Variants in RMI1 observed in about 807,000 individuals in gnomAD.
RMI1 encodes the protein recQ-mediated genome instability protein 1.
Under a neutral mutation model 46.7 loss-of-function variants are expected in RMI1, and 36 were observed. The observed-to-expected ratio is 0.77, with a 90% confidence interval of 0.59 to 1.02. The LOEUF is 1.02. Among genes scored for constraint, RMI1 ranks in the 50% least tolerant of loss-of-function variants. RMI1 has a pLI of 0.00. For missense variants in RMI1, 676 were observed against 713.7 expected, an observed-to-expected ratio of 0.95 and a Z score of 0.60; for synonymous variants, 250 against 252.9, an observed-to-expected ratio of 0.99 and a Z score of 0.11.
At chr9:83,996,877 C>T (rs1239284707) in intron 1 of RMI1, among the ~76,000 whole-genome samples, 4 of 151,674 alleles carry the variant, frequency 2.6e-5, no homozygotes, top group Non-Finnish European at 4.4e-5. Context: ...GAAGGTGCCA[C>T]ACACTTTTTT....
At chr9:83,985,154 A>C (rs1367791508) in intron 1 of RMI1, among the ~76,000 whole-genome samples, 1 of 152,226 alleles carries the variant, frequency 6.6e-6, no homozygotes, top group African/African-American at 2.4e-5. Flanking sequence ...TAAACTTTAT[A>C]ATATAGATCT....
intron 1 of RMI1, among the ~76,000 whole-genome samples, chr9:83,997,436 AAAAG>A (rs1447870802): frequency 1.3e-5 from 2 of 151,666 alleles, no homozygotes; most frequent in African/African-American, 2.4e-5. Flanking sequence ...TTGAAAAAAA[AAAAG>A]AAAGAAATTA....
rs952875380 is a variant in RMI1 at position 84,003,690 on chromosome 9, G to A, written c.*826G>A. The A allele has an allele frequency of 3.0e-5, 5 of 166,268 alleles. No homozygotes were observed. Among genetic ancestry groups the A allele is most frequent in the African/African-American group, 1.2e-4 (5 of 41,404 alleles). 10.3% of individuals were successfully genotyped at this position (166,268 alleles called of 1,614,324 possible). On this transcript the variant is annotated 3_prime_UTR_variant, in exon 3 of 3. Transcript: ENST00000445877. ...GATTATAATATTTGGTATATTTAAGGTAATCTAGTTAACTAGATGCTATTT... is the reference window on the plus strand; with the variant it reads ...GATTATAATATTTGGTATATTTAAGATAATCTAGTTAACTAGATGCTATTT...
intron 1 of RMI1, among the ~76,000 whole-genome samples, chr9:83,987,209 C>T (rs1473217859): frequency 1.3e-5 from 2 of 152,234 alleles, no homozygotes; most frequent in African/African-American, 2.4e-5. Flanking sequence ...ATTACAAGCA[C>T]GTGCCACCAC....
intron 1 of RMI1, among the ~76,000 whole-genome samples, chr9:83,991,310 T>C (rs1957570707): frequency 6.6e-6 from 1 of 151,924 alleles, no homozygotes; most frequent in Non-Finnish European, 1.5e-5. Context: ...ATTTTTCTTT[T>C]TTTTTTTTTA....
chr9:84,002,778 C>G lies in RMI1; in HGVS notation c.1792C>G (p.Pro598Ala). The G allele has an allele frequency of 1.9e-6, 3 of 1,612,492 alleles. No homozygotes were observed. Among genetic ancestry groups the G allele is most frequent in the Middle Eastern group, 1.7e-4 (1 of 6,028 alleles). Residue 598 changes from proline (P) to alanine (A), a missense_variant, in exon 3 of 3, where the codon CCT becomes GCT. Coordinates refer to ENST00000445877, the MANE Select transcript of RMI1 (RefSeq NM_001358291.2). ...LCCLMTISFN[P>A]SLSKAMVLAL... ...CTGTCTAATGACTATTTCATTTAAT[C>G]CTTCCTTGTCTAAAGCAATGGTACT...
chr9:83,989,592 C>T (rs1446994385), intron 1 of RMI1, among the ~76,000 whole-genome samples: 2 of 150,496 alleles, frequency 1.3e-5, no homozygotes, highest in African/African-American at 2.4e-5. Flanking sequence ...TATTCGACAT[C>T]GTGAATCAGG....
chr9:83,997,107 C>CTTTTTTTT (rs375763717), intron 1 of RMI1, among the ~76,000 whole-genome samples: 2 of 92,376 alleles, frequency 2.2e-5, no homozygotes, highest in Non-Finnish European at 2.1e-5. Flanking sequence ...AACACCCCCC[C>CTTTTTTTT]CTTTTTTTTT....
Position 84,001,100 on chromosome 9 carries a change from T to C in RMI1, c.114T>C (p.Asn38=). The C allele has an allele frequency of 6.2e-7, 1 of 1,613,964 alleles. No homozygotes were observed. ...EACINWIQEE[N]NNVNLSQAQM... ...GTATTAACTGGATTCAAGAAGAAAA[T>C]AATAATGTTAACTTGAGTCAGGCCC... Residue 38 remains asparagine (N), a synonymous_variant, in exon 3 of 3, where the codon AAT becomes AAC. Transcript: ENST00000445877.
rs1405834661 is a variant in RMI1, at chr9:84,002,110, A to G, written c.1124A>G (p.Glu375Gly). Residue 375 changes from glutamate to glycine, a missense_variant, in exon 3 of 3, where the codon GAA becomes GGA. Coordinates refer to ENST00000445877, the MANE Select transcript of RMI1 (RefSeq NM_001358291.2). ...TCKNGNNNWS[E>G]KNVSEQMTNE... ...AAAAATGGAAACAATAATTGGAGTG[A>G]AAAAAATGTATCTGAACAAATGACT... The G allele has an allele frequency of 6.2e-7, 1 of 1,613,554 alleles. No homozygotes were observed. Among genetic ancestry groups the G allele is most frequent in the Admixed American group, 1.7e-5 (1 of 59,960 alleles).
chr9:83,985,058 GA>G (rs577001489), intron 1 of RMI1, among the ~76,000 whole-genome samples: 97 of 152,218 alleles, frequency 6.4e-4, no homozygotes, highest in African/African-American at 2.2e-3. Flanking sequence ...AAGAAGGGAT[GA>G]AAACCTTAGG....
Position 84,001,288 on chromosome 9 carries a change from C to A in RMI1, c.302C>A (p.Ser101Tyr). The A allele has an allele frequency of 6.2e-7, 1 of 1,614,060 alleles. No individual in the cohort carries two copies. The highest frequency in any genetic ancestry group is 1.1e-5 in the South Asian group (1 of 91,066). Residue 101 changes from serine (S) to tyrosine (Y), a missense_variant, in exon 3 of 3, where the codon TCC (serine) becomes TAC (tyrosine). By Grantham distance (144) the Ser-to-Tyr change is moderately radical. Coordinates refer to ENST00000445877, the MANE Select transcript of RMI1 (RefSeq NM_001358291.2). ...SLVDVSQPAY[S>Y]QIQKLRGKNT... Reference sequence around the variant, plus strand: ...GTTGATGTAAGTCAGCCTGCATACTCCCAGATACAGAAGTTGAGAGGAAAG... The same window carrying A: ...GTTGATGTAAGTCAGCCTGCATACTACCAGATACAGAAGTTGAGAGGAAAG...
chr9:83,990,139 G>C (rs1346767145), intron 1 of RMI1, among the ~76,000 whole-genome samples: 1 of 152,172 alleles, frequency 6.6e-6, no homozygotes, highest in Non-Finnish European at 1.5e-5. Flanking sequence ...TCTCGGGAAG[G>C]TAGAGAGTAG....
chr9:83,988,598 C>G (rs1375626421), intron 1 of RMI1, among the ~76,000 whole-genome samples: 1 of 152,230 alleles, frequency 6.6e-6, no homozygotes, highest in Non-Finnish European at 1.5e-5. Context: ...GCCACTGCAC[C>G]TTGCCCAACT....
chr9:83,982,083 G>A (rs1433414235), intron 1 of RMI1, among the ~76,000 whole-genome samples: 2 of 152,158 alleles, frequency 1.3e-5, no homozygotes, highest in Admixed American at 6.5e-5. Context: ...TCGCATTTCA[G>A]TTCTAAAACA....
At position 84,001,376 on chromosome 9, in the gene RMI1, G is replaced by A. The variant is rs764977692; in HGVS notation, c.390G>A (p.Lys130=). The part of the protein sequence containing the change: ...AQVTPKPWEA[K]PSRMLMLQLT... ...TAACCCCAAAACCTTGGGAAGCAAAGCCTTCACGAATGTTGATGCTGCAGC... is the reference window on the plus strand; with the variant it reads ...TAACCCCAAAACCTTGGGAAGCAAAACCTTCACGAATGTTGATGCTGCAGC... Residue 130 remains lysine (K), a synonymous_variant, in exon 3 of 3, where the codon AAG becomes AAA. Transcript: ENST00000445877. The A allele has an allele frequency of 6.2e-7, 1 of 1,614,106 alleles. No homozygotes were observed. Among genetic ancestry groups the A allele is most frequent in the Non-Finnish European group, 8.5e-7 (1 of 1,179,992 alleles).
chr9:83,991,693 A>T (rs946502725), intron 1 of RMI1, among the ~76,000 whole-genome samples: 1 of 152,036 alleles, frequency 6.6e-6, no homozygotes, highest in Admixed American at 6.6e-5. Flanking sequence ...TCTTATACAT[A>T]TTTTGTAGTT....
At chr9:83,988,563 C>CA (rs1220410017) in intron 1 of RMI1, among the ~76,000 whole-genome samples, 2 of 152,200 alleles carry the variant, frequency 1.3e-5, no homozygotes, top group African/African-American at 4.8e-5. Context: ...CTCAGCCTCT[C>CA]AAAGTGCTGG....
At chr9:83,984,234 G>A (rs1173147008) in intron 1 of RMI1, among the ~76,000 whole-genome samples, 2 of 150,882 alleles carry the variant, frequency 1.3e-5, no homozygotes, top group African/African-American at 4.9e-5. Flanking sequence ...CCTTAATTCT[G>A]GAAAGTAAAA....
Sources: allele counts gnomAD v4.1 joint callset (sites outside exome capture counted in the v4.1 genomes callset), GRCh38; gene constraint gnomAD v4.1.1; transcripts MANE v1.5; gene names NCBI Gene and HGNC (gene_info 2026-07-23, HGNC 2026-07-21).